DPP6: variants seen among roughly 807,000 people sequenced by gnomAD.
The protein encoded by DPP6 is A-type potassium channel modulatory protein DPP6.
In DPP6, 69 loss-of-function variants were observed where a neutral mutation model predicts 122.6. The ratio of observed to expected loss-of-function variants is 0.56; its 90% CI spans 0.46 to 0.69. DPP6 has a LOEUF of 0.69. Ranked by LOEUF, DPP6 falls within the 30% of genes least tolerant of loss-of-function variation. The probability of loss-of-function intolerance (pLI) is 0.00; values close to 1 mark genes in which losing one functional copy is unlikely to be tolerated. For synonymous variants in DPP6, 418 were observed against 433.1 expected (o/e 0.97, Z 0.43); for missense variants, 928 against 1,116.9 (o/e 0.83, Z 2.41).
intron 3 of DPP6, among the ~76,000 whole-genome samples, chr7:154,517,372 AC>A (rs1826606872): frequency 6.6e-6 from 1 of 152,156 alleles, no homozygotes; most frequent in Non-Finnish European, 1.5e-5. Flanking sequence ...GAGCTTCTCC[AC>A]AGGGTGAGAG....
chr7:154,018,338 G>C (rs1394799957), intron 1 of DPP6, among the ~76,000 whole-genome samples: 2 of 152,070 alleles, frequency 1.3e-5, no homozygotes, highest in South Asian at 2.1e-4. Flanking sequence ...ATGGCTGCTG[G>C]TGTAAAAAGC....
intron 5 of DPP6, among the ~76,000 whole-genome samples, chr7:154,579,273 C>T (rs1018425274): frequency 6.6e-6 from 1 of 152,042 alleles, no homozygotes; most frequent in African/African-American, 2.4e-5. Flanking sequence ...CGCTTGAACC[C>T]GGGAGGCAGA....
At chr7:154,753,796 G>T (rs905489602) in intron 8 of DPP6, among the ~76,000 whole-genome samples, 2 of 152,088 alleles carry the variant, frequency 1.3e-5, no homozygotes, top group Admixed American at 1.3e-4. Context: ...CCCTCCATCC[G>T]CATCCAAGAA....
chr7:154,313,550 A>G (rs990791982), intron 1 of DPP6, among the ~76,000 whole-genome samples: 12 of 151,412 alleles, frequency 7.9e-5, no homozygotes, highest in Non-Finnish European at 1.8e-4. Context: ...TCTGAATGTG[A>G]TTATTTAATC....
intron 6 of DPP6, among the ~76,000 whole-genome samples, chr7:154,666,636 A>G (rs1838184868): frequency 1.3e-5 from 2 of 152,062 alleles, no homozygotes; most frequent in South Asian, 2.1e-4. Flanking sequence ...GTATCTTTTT[A>G]TCAGCACCCC....
chr7:154,098,817 C>G (rs1185863605), intron 1 of DPP6, among the ~76,000 whole-genome samples: 1 of 152,126 alleles, frequency 6.6e-6, no homozygotes, highest in Non-Finnish European at 1.5e-5. Context: ...AACCTTTCCT[C>G]TGCAAAGAAA....
chr7:154,197,296 T>C (rs531300126), intron 1 of DPP6, among the ~76,000 whole-genome samples: 14 of 152,046 alleles, frequency 9.2e-5, no homozygotes, highest in Non-Finnish European at 1.8e-4. Flanking sequence ...AGAGAATCCA[T>C]GGGGAATACC....
At chr7:154,156,352 G>A (rs181120798) in intron 1 of DPP6, among the ~76,000 whole-genome samples, 309 of 152,268 alleles carry the variant, frequency 2.0e-3, no homozygotes, top group African/African-American at 7.1e-3. Flanking sequence ...AAAGTATTTG[G>A]CCAGGCCCAG....
upstream of DPP6, among the ~76,000 whole-genome samples, chr7:154,049,960 A>C (rs1800215749): frequency 6.6e-6 from 1 of 152,116 alleles, no homozygotes. Context: ...AGCGCTTTTC[A>C]ATTTGGGTAA....
chr7:153,867,127 A>G, the DPP6 span, among the ~76,000 whole-genome samples: 1 of 152,194 alleles, frequency 6.6e-6, no homozygotes. Context: ...TGACTTGGCA[A>G]TGCGGGCTCT....
At chr7:153,914,971 C>G (rs1800243666) in intron 1 of DPP6, among the ~76,000 whole-genome samples, 1 of 152,168 alleles carries the variant, frequency 6.6e-6, no homozygotes, top group Non-Finnish European at 1.5e-5. Context: ...ACTATCTTGT[C>G]CTTGTCTAGC....
At chr7:154,390,210 G>A (rs1362427084) in intron 1 of DPP6, among the ~76,000 whole-genome samples, 1 of 152,202 alleles carries the variant, frequency 6.6e-6, no homozygotes, top group Non-Finnish European at 1.5e-5. Context: ...GTCATGTAGA[G>A]AAATAAAGGA....
rs775297152 is a variant in DPP6 at position 154,803,850 on chromosome 7, T to C, written c.1408-14T>C. 6.2e-7 allele frequency: 1 copy of C among 1,612,380 alleles called. No individual in the cohort carries two copies. Among genetic ancestry groups the C allele is most frequent in the South Asian group, 1.1e-5 (1 of 90,850 alleles). On this transcript the variant is annotated splice_polypyrimidine_tract_variant and intron_variant, in intron 13 of 25. Transcript: ENST00000377770. ...ACCGGTGTCTGCTCCTGATGCCATG[T>C]CTGTGTGTTTCAGCCCAACAGCAGC...
intron 1 of DPP6, among the ~76,000 whole-genome samples, chr7:154,393,029 G>T (rs780109321): frequency 6.6e-6 from 1 of 152,198 alleles, no homozygotes; most frequent in Non-Finnish European, 1.5e-5. Flanking sequence ...AATTAGACTG[G>T]CTTGATGCTT....
At chr7:154,255,496 G>C (rs368267153) in intron 1 of DPP6, among the ~76,000 whole-genome samples, 3 of 152,076 alleles carry the variant, frequency 2.0e-5, no homozygotes, top group Admixed American at 6.5e-5. Context: ...TGAATTCTGC[G>C]GTGCGGGAAT....
At chr7:154,168,298 G>T (rs138069227) in intron 1 of DPP6, among the ~76,000 whole-genome samples, 1 of 152,274 alleles carries the variant, frequency 6.6e-6, no homozygotes, top group African/African-American at 2.4e-5. Context: ...AAGTAAATGA[G>T]CTGTTTCATC....
chr7:154,854,685 A>G (rs935391317), intron 17 of DPP6, among the ~76,000 whole-genome samples: 10 of 152,180 alleles, frequency 6.6e-5, no homozygotes, highest in Admixed American at 2.6e-4. Context: ...AGTCTTTGAA[A>G]GACTTCCCAG....
chr7:154,634,880 G>T (rs1479133127), intron 5 of DPP6, among the ~76,000 whole-genome samples: 1 of 152,168 alleles, frequency 6.6e-6, no homozygotes, highest in East Asian at 1.9e-4. Context: ...TTGTTTTGGG[G>T]ATGGCATAAC....
intron 1 of DPP6, among the ~76,000 whole-genome samples, chr7:154,302,826 T>C (rs1034676961): frequency 6.6e-6 from 1 of 152,194 alleles, no homozygotes; most frequent in African/African-American, 2.4e-5. Context: ...CCTGGAATCA[T>C]TGAAGGAGAC....
Sources: allele counts gnomAD v4.1 joint callset (sites outside exome capture counted in the v4.1 genomes callset), GRCh38; gene constraint gnomAD v4.1.1; transcripts MANE v1.5; gene names NCBI Gene and HGNC (gene_info 2026-07-23, HGNC 2026-07-21).